Variants in AK5 observed in about 807,000 individuals in gnomAD.
AK5 encodes the protein adenylate kinase isoenzyme 5.
AK5 carries 27 observed loss-of-function variants against 69.5 expected under a neutral mutation model. That is an observed-to-expected ratio of 0.39 (90% confidence interval 0.29 to 0.54). AK5 has a LOEUF of 0.54. Among genes scored for constraint, AK5 ranks in the 20% least tolerant of loss-of-function variants. The pLI, the probability that AK5 is intolerant of heterozygous loss-of-function variation, is 0.71. For synonymous variants in AK5, 260 were observed against 244.4 expected, an observed-to-expected ratio of 1.06 and a Z score of -0.60; for missense variants, 531 against 700.4, an observed-to-expected ratio of 0.76 and a Z score of 2.73.
At chr1:77,544,668 G>T (rs1379348965) in intron 13 of AK5, among the ~76,000 whole-genome samples, 1 of 152,008 alleles carries the variant, frequency 6.6e-6, no homozygotes, top group Non-Finnish European at 1.5e-5. Flanking sequence ...CCCACTGGAA[G>T]GTCTTCAGGG....
chr1:77,416,046 GA>G (rs1229455995), intron 7 of AK5, among the ~76,000 whole-genome samples: 2 of 151,630 alleles, frequency 1.3e-5, no homozygotes, highest in Non-Finnish European at 2.9e-5. Flanking sequence ...TACATATATA[GA>G]TTTTTTTTTT....
At chr1:77,342,237 G>A (rs977740666) in intron 6 of AK5, among the ~76,000 whole-genome samples, 6 of 152,014 alleles carry the variant, frequency 3.9e-5, no homozygotes, top group African/African-American at 1.4e-4. Context: ...CATAAAAAAA[G>A]AAATTTGCCC....
intron 9 of AK5, among the ~76,000 whole-genome samples, chr1:77,486,036 A>G (rs1183504535): frequency 2.0e-5 from 3 of 152,044 alleles, no homozygotes; most frequent in Non-Finnish European, 4.4e-5. Flanking sequence ...AATGGCTTGA[A>G]CCTGAGAGGT....
chr1:77,515,590 GACC>G (rs1297412892), intron 10 of AK5, among the ~76,000 whole-genome samples: 1 of 152,182 alleles, frequency 6.6e-6, no homozygotes, highest in Admixed American at 6.5e-5. Flanking sequence ...CAGGGCCGGC[GACC>G]AGTGAGGGAG....
chr1:77,391,495 G>GTGTGTATATATATATA (rs1425180466), intron 6 of AK5, among the ~76,000 whole-genome samples: 113 of 63,302 alleles, frequency 1.8e-3, no homozygotes, highest in African/African-American at 2.2e-3. Context: ...GTGTGTGTGT[G>GTGTGTATATATATATA]TATATATATA....
chr1:77,396,713 A>G (rs903150885), intron 6 of AK5, among the ~76,000 whole-genome samples: 1 of 152,264 alleles, frequency 6.6e-6, no homozygotes, highest in African/African-American at 2.4e-5. Context: ...CAGAGCTGAA[A>G]TAGCTTAATG....
At chr1:77,479,429 C>T (rs888949334) in intron 8 of AK5, among the ~76,000 whole-genome samples, 2 of 152,090 alleles carry the variant, frequency 1.3e-5, no homozygotes, top group Non-Finnish European at 2.9e-5. Flanking sequence ...TGGTCTCAAA[C>T]TCCCAACTTC....
chr1:77,542,282 C>A (rs760155250), intron 13 of AK5, among the ~76,000 whole-genome samples: 2 of 152,094 alleles, frequency 1.3e-5, no homozygotes, highest in Non-Finnish European at 2.9e-5. Context: ...AAGATCACAC[C>A]ACTGCACTCT....
chr1:77,429,460 G>C (rs914199972), intron 8 of AK5, among the ~76,000 whole-genome samples: 1 of 152,060 alleles, frequency 6.6e-6, no homozygotes, highest in Admixed American at 6.6e-5. Context: ...TTTTTTTCTT[G>C]TAAATTCAAT....
chr1:77,327,445 T>A (rs908055754), intron 5 of AK5, among the ~76,000 whole-genome samples: 1 of 151,540 alleles, frequency 6.6e-6, no homozygotes, highest in African/African-American at 2.4e-5. Flanking sequence ...ATGGTGACAT[T>A]AACAACATGC....
chr1:77,536,729 A>C (rs2100359706), intron 13 of AK5, among the ~76,000 whole-genome samples: 1 of 152,348 alleles, frequency 6.6e-6, no homozygotes, highest in East Asian at 1.9e-4. Context: ...TAGAGCTAAG[A>C]TTCAATGACT....
At chr1:77,397,024 G>A (rs1648878411) in intron 6 of AK5, among the ~76,000 whole-genome samples, 1 of 152,176 alleles carries the variant, frequency 6.6e-6, no homozygotes, top group African/African-American at 2.4e-5. Context: ...AGGGATTTCT[G>A]GTAGAGAATA....
At chr1:77,404,887 G>A (rs1020520564) in intron 6 of AK5, among the ~76,000 whole-genome samples, 3 of 152,178 alleles carry the variant, frequency 2.0e-5, no homozygotes, top group Non-Finnish European at 4.4e-5. Context: ...TTTATGAATT[G>A]TGCTTTATCT....
chr1:77,436,372 A>G (rs1460794433), intron 8 of AK5, among the ~76,000 whole-genome samples: 1 of 151,832 alleles, frequency 6.6e-6, no homozygotes, highest in African/African-American at 2.4e-5. Context: ...TCTTAGTAAC[A>G]TTAATTTCTA....
intron 6 of AK5, among the ~76,000 whole-genome samples, chr1:77,362,822 G>A (rs867825276): frequency 1.3e-5 from 2 of 152,166 alleles, no homozygotes; most frequent in Non-Finnish European, 2.9e-5. Flanking sequence ...CTGCCACTTT[G>A]AAAAGTAATT....
chr1:77,460,045 A>C (rs950888707), intron 8 of AK5, among the ~76,000 whole-genome samples: 1 of 152,236 alleles, frequency 6.6e-6, no homozygotes, highest in Non-Finnish European at 1.5e-5. Context: ...CTCAAAGTAC[A>C]TCTGGTATCT....
chr1:77,360,240 G>T (rs59559185), intron 6 of AK5, among the ~76,000 whole-genome samples: 29 of 152,184 alleles, frequency 1.9e-4, no homozygotes, highest in Admixed American at 1.2e-3. Context: ...AAGAAGAGTC[G>T]GGGAGGGGAA....
chr1:77,427,953 C>T (rs948108965), intron 8 of AK5, among the ~76,000 whole-genome samples: 1 of 152,150 alleles, frequency 6.6e-6, no homozygotes, highest in Non-Finnish European at 1.5e-5. Flanking sequence ...AATGGGAACT[C>T]ACTTATTACC....
chr1:77,312,579 C>A (rs1346715371), intron 5 of AK5, among the ~76,000 whole-genome samples: 18 of 146,896 alleles, frequency 1.2e-4, no homozygotes. Flanking sequence ...TGCATCACCA[C>A]ACTCCAGCCT....
Sources: allele counts gnomAD v4.1 joint callset (sites outside exome capture counted in the v4.1 genomes callset), GRCh38; gene constraint gnomAD v4.1.1; transcripts MANE v1.5; gene names NCBI Gene and HGNC (gene_info 2026-07-23, HGNC 2026-07-21).